Variants in NXPH1 observed in about 807,000 individuals in gnomAD.
NXPH1 encodes neurexophilin-1.
NXPH1 carries 5 observed loss-of-function variants against 23.7 expected under a neutral mutation model. The ratio of observed to expected loss-of-function variants is 0.21; its 90% confidence interval spans 0.11 to 0.44. NXPH1 has a LOEUF of 0.44. Ranked by LOEUF, NXPH1 falls within the 20% of genes least tolerant of loss-of-function variation. The pLI is 0.99. For missense variants in NXPH1, 324 were observed against 321.6 expected, an observed-to-expected ratio of 1.01 and a Z score of -0.06; for synonymous variants, 144 against 122.2, an observed-to-expected ratio of 1.18 and a Z score of -1.18.
intron 2 of NXPH1, among the ~76,000 whole-genome samples, chr7:8,611,981 G>C (rs1198920264): frequency 6.6e-6 from 1 of 152,146 alleles, no homozygotes; most frequent in African/African-American, 2.4e-5. Context: ...GAATGAGCCA[G>C]ATGCATTTAT....
chr7:8,609,931 C>T (rs534496364), intron 2 of NXPH1, among the ~76,000 whole-genome samples: 2 of 152,156 alleles, frequency 1.3e-5, no homozygotes, highest in Non-Finnish European at 2.9e-5. Context: ...TTTCAAATCC[C>T]TTGGCGAAGA....
intron 2 of NXPH1, among the ~76,000 whole-genome samples, chr7:8,461,843 A>AAAAAAAAAAAAAAAAT (rs758426131): frequency 1.6e-5 from 2 of 121,468 alleles, no homozygotes; most frequent in Non-Finnish European, 1.7e-5. Context: ...TCTCAAAAAA[A>AAAAAAAAAAAAAAAAT]AAAAAAAAGA....
At chr7:8,728,098 C>T (rs1389425594) in intron 2 of NXPH1, among the ~76,000 whole-genome samples, 1 of 151,100 alleles carries the variant, frequency 6.6e-6, no homozygotes, top group Non-Finnish European at 1.5e-5. Flanking sequence ...CTCTTTGAAG[C>T]AATTGTGAAT....
At chr7:8,729,254 C>T (rs1019594583) in intron 2 of NXPH1, among the ~76,000 whole-genome samples, 7 of 148,946 alleles carry the variant, frequency 4.7e-5, no homozygotes, top group East Asian at 2.0e-4. Flanking sequence ...GTCTTGCTAG[C>T]GGTCTATCAA....
intron 2 of NXPH1, among the ~76,000 whole-genome samples, chr7:8,683,266 A>G (rs190098440): frequency 2.8e-4 from 42 of 152,384 alleles, no homozygotes; most frequent in African/African-American, 9.1e-4. Context: ...GAGGGCATCA[A>G]GCCATTCATC....
intron 2 of NXPH1, among the ~76,000 whole-genome samples, chr7:8,623,982 G>T (rs1281862742): frequency 6.6e-6 from 1 of 152,086 alleles, no homozygotes; most frequent in Non-Finnish European, 1.5e-5. Flanking sequence ...ATGTACAGAT[G>T]AGCAACGTGC....
chr7:8,498,683 G>A (rs953117202), intron 2 of NXPH1, among the ~76,000 whole-genome samples: 16 of 152,004 alleles, frequency 1.1e-4, no homozygotes, highest in African/African-American at 3.9e-4. Context: ...TGATAATTGT[G>A]TGTTACAAAC....
At chr7:8,648,433 G>T (rs1283955107) in intron 2 of NXPH1, among the ~76,000 whole-genome samples, 1 of 152,092 alleles carries the variant, frequency 6.6e-6, no homozygotes, top group Non-Finnish European at 1.5e-5. Context: ...TTCTGTGTCT[G>T]GCTTATTTCA....
At chr7:8,597,720 G>A (rs1032002576) in intron 2 of NXPH1, among the ~76,000 whole-genome samples, 10 of 120,596 alleles carry the variant, frequency 8.3e-5, no homozygotes, top group Non-Finnish European at 1.7e-5. Context: ...GGGGCGGGGG[G>A]GCAGTGTGGG....
At chr7:8,586,363 T>C (rs1420433622) in intron 2 of NXPH1, among the ~76,000 whole-genome samples, 2 of 152,086 alleles carry the variant, frequency 1.3e-5, no homozygotes, top group Non-Finnish European at 2.9e-5. Context: ...TGGAATTCGA[T>C]AATAATTCAT....
chr7:8,453,851 C>A (rs1289684089), intron 2 of NXPH1, among the ~76,000 whole-genome samples: 6 of 151,976 alleles, frequency 3.9e-5, no homozygotes, highest in Admixed American at 3.9e-4. Context: ...GATTCCATGT[C>A]TTTGCTATTG....
intron 2 of NXPH1, among the ~76,000 whole-genome samples, chr7:8,544,688 A>T (rs927744386): frequency 1.3e-5 from 2 of 151,562 alleles, no homozygotes; most frequent in African/African-American, 2.4e-5. Flanking sequence ...AATTTTACTT[A>T]TCAGTTCTAA....
At chr7:8,463,992 A>G (rs1017129344) in intron 2 of NXPH1, among the ~76,000 whole-genome samples, 5 of 152,116 alleles carry the variant, frequency 3.3e-5, no homozygotes, top group African/African-American at 9.7e-5. Context: ...GTTCAAAACC[A>G]TATGTTCCCA....
At chr7:8,702,919 T>C (rs1315548597) in intron 2 of NXPH1, among the ~76,000 whole-genome samples, 1 of 152,122 alleles carries the variant, frequency 6.6e-6, no homozygotes, top group Non-Finnish European at 1.5e-5. Flanking sequence ...GCTCTAAAAC[T>C]ACCCTTCCAT....
At chr7:8,618,062 CA>C (rs1819784599) in intron 2 of NXPH1, among the ~76,000 whole-genome samples, 1 of 152,054 alleles carries the variant, frequency 6.6e-6, no homozygotes, top group Non-Finnish European at 1.5e-5. Flanking sequence ...AGATTTGGGG[CA>C]TGGGTAACTA....
At chr7:8,725,802 CTA>C (rs1169428937) in intron 2 of NXPH1, among the ~76,000 whole-genome samples, 1 of 145,500 alleles carries the variant, frequency 6.9e-6, no homozygotes, top group Admixed American at 7.0e-5. Context: ...GGATCTTTAC[CTA>C]TTTTTTTTTA....
At chr7:8,711,409 T>G (rs1779793395) in intron 2 of NXPH1, among the ~76,000 whole-genome samples, 1 of 152,198 alleles carries the variant, frequency 6.6e-6, no homozygotes, top group African/African-American at 2.4e-5. Context: ...GGCCTAACAC[T>G]GAGGCAGGCA....
chr7:8,551,454 A>G lies in NXPH1; in HGVS notation c.54+115687A>G, dbSNP rs147618146. On this transcript the variant is annotated intron_variant, in intron 2 of 2. Transcript: ENST00000405863. Reference sequence around the variant, plus strand: ...AAAAATGAGATATGTGGAAAGATTTAGGTGAAACAAATACCATATTTATAA... The same window carrying G: ...AAAAATGAGATATGTGGAAAGATTTGGGTGAAACAAATACCATATTTATAA... Among the ~76,000 whole-genome samples the G allele has an allele frequency of 1.8e-3, 274 of 151,662 alleles. 2 individuals carry two copies. The highest frequency in any genetic ancestry group is 6.3e-3 in the African/African-American group (263 of 41,490).
chr7:8,472,877 T>A (rs1816891474), intron 2 of NXPH1, among the ~76,000 whole-genome samples: 1 of 152,176 alleles, frequency 6.6e-6, no homozygotes, highest in Admixed American at 6.5e-5. Flanking sequence ...GTCCTGGCAT[T>A]CCTACAGGCT....
Sources: allele counts gnomAD v4.1 joint callset (sites outside exome capture counted in the v4.1 genomes callset), GRCh38; gene constraint gnomAD v4.1.1; transcripts MANE v1.5; gene names NCBI Gene and HGNC (gene_info 2026-07-23, HGNC 2026-07-21).